Variants in LOC128462377 observed in about 807,000 individuals in gnomAD.
At chr16:89,334,603 C>T in the LOC128462377 span, among the ~76,000 whole-genome samples, 3 of 152,082 alleles carry the variant, frequency 2.0e-5, no homozygotes, top group African/African-American at 4.8e-5. Flanking sequence ...GTAGGCCAGA[C>T]CCTGACCCAG....
chr16:89,340,043 C>T, the LOC128462377 span: 3 of 152,206 alleles, frequency 2.0e-5, no homozygotes, highest in Non-Finnish European at 2.9e-5. Context: ...TCTGAAAAAT[C>T]CATTCTCCTG....
At chr16:89,319,790 G>A in the LOC128462377 span, among the ~76,000 whole-genome samples, 56 of 152,364 alleles carry the variant, frequency 3.7e-4, no homozygotes, top group African/African-American at 1.1e-3. Context: ...CGTGCAGCAC[G>A]CGGCCCACTC....
At chr16:89,327,630 A>T in the LOC128462377 span, among the ~76,000 whole-genome samples, 1 of 152,244 alleles carries the variant, frequency 6.6e-6, no homozygotes, top group East Asian at 1.9e-4. Flanking sequence ...TGCTACCAAT[A>T]ATCCTATGAA....
At chr16:89,377,526 T>C in the LOC128462377 span, among the ~76,000 whole-genome samples, 1 of 151,950 alleles carries the variant, frequency 6.6e-6, no homozygotes, top group Non-Finnish European at 1.5e-5. Flanking sequence ...ATTTCAAAAC[T>C]CAAGAGCTAA....
the LOC128462377 span, chr16:89,418,209 C>G: frequency 2.3e-6 from 1 of 443,716 alleles, no homozygotes; most frequent in Non-Finnish European, 4.6e-6. Flanking sequence ...TGGACACTCA[C>G]GCATTATTTT....
the LOC128462377 span, among the ~76,000 whole-genome samples, chr16:89,402,061 C>T: frequency 6.6e-6 from 1 of 151,990 alleles, no homozygotes; most frequent in Non-Finnish European, 1.5e-5. Flanking sequence ...ATCACGGCAG[C>T]CCCGAAAGAC....
the LOC128462377 span, among the ~76,000 whole-genome samples, chr16:89,331,854 A>G: frequency 1.3e-5 from 2 of 152,310 alleles, no homozygotes; most frequent in East Asian, 3.9e-4. Context: ...GGCGGATGCA[A>G]TGGTGTGGAC....
At chr16:89,393,150 C>A in the LOC128462377 span, among the ~76,000 whole-genome samples, 1 of 152,114 alleles carries the variant, frequency 6.6e-6, no homozygotes, top group Non-Finnish European at 1.5e-5. Context: ...GGAAGTCTCC[C>A]TCAGGACCTG....
At chr16:89,413,062 T>C in the LOC128462377 span, among the ~76,000 whole-genome samples, 4 of 152,178 alleles carry the variant, frequency 2.6e-5, no homozygotes, top group East Asian at 5.8e-4. Flanking sequence ...AACCAGAGCC[T>C]GGAGGGGGAG....
chr16:89,368,375 T>TG, the LOC128462377 span, among the ~76,000 whole-genome samples: 1 of 46,950 alleles, frequency 2.1e-5, no homozygotes, highest in African/African-American at 7.7e-5. Context: ...TTTTGTGTTT[T>TG]TTTTTTTTTT....
chr16:89,345,893 G>C, the LOC128462377 span, among the ~76,000 whole-genome samples: 1 of 152,148 alleles, frequency 6.6e-6, no homozygotes, highest in African/African-American at 2.4e-5. Flanking sequence ...CCTTTCACAA[G>C]AGAGCTAAGA....
the LOC128462377 span, among the ~76,000 whole-genome samples, chr16:89,356,088 T>C: frequency 1.3e-5 from 2 of 152,104 alleles, no homozygotes; most frequent in African/African-American, 4.8e-5. Context: ...TCAAAACAAA[T>C]ACAAGAAAGA....
chr16:89,401,669 C>A, the LOC128462377 span, among the ~76,000 whole-genome samples: 2 of 152,164 alleles, frequency 1.3e-5, no homozygotes, highest in African/African-American at 4.8e-5. Flanking sequence ...AGACGATGGC[C>A]TTCCTGGGAA....
At chr16:89,336,831 G>C in the LOC128462377 span, among the ~76,000 whole-genome samples, 50 of 152,134 alleles carry the variant, frequency 3.3e-4, no homozygotes, top group South Asian at 9.0e-3. Flanking sequence ...CTTTCCATTA[G>C]AAAACAACTG....
the LOC128462377 span, among the ~76,000 whole-genome samples, chr16:89,347,132 G>A: frequency 6.6e-6 from 1 of 152,182 alleles, no homozygotes; most frequent in Non-Finnish European, 1.5e-5. Context: ...GTTGGTCCGG[G>A]CATCAGAGGA....
the LOC128462377 span, among the ~76,000 whole-genome samples, chr16:89,387,700 A>T: frequency 3.5e-5 from 5 of 141,104 alleles, no homozygotes; most frequent in South Asian, 2.3e-4. Flanking sequence ...AAGAAAAAAA[A>T]AAAAAAAAAA....
chr16:89,336,953 T>G, the LOC128462377 span, among the ~76,000 whole-genome samples: 1 of 142,140 alleles, frequency 7.0e-6, no homozygotes, highest in Non-Finnish European at 1.5e-5. Context: ...GTGGATTGCT[T>G]GAGCTCAGGA....
chr16:89,343,420 C>G, the LOC128462377 span, among the ~76,000 whole-genome samples: 1 of 152,330 alleles, frequency 6.6e-6, no homozygotes, highest in East Asian at 1.9e-4. Flanking sequence ...TAAAAATCAG[C>G]TCAGATTTGT....
At chr16:89,386,527 T>C in the LOC128462377 span, among the ~76,000 whole-genome samples, 1 of 152,196 alleles carries the variant, frequency 6.6e-6, no homozygotes, top group African/African-American at 2.4e-5. Flanking sequence ...AAGGGGGCTC[T>C]TCTCTGGAAG....
Sources: gnomAD v4.1 joint callset for allele counts (sites outside exome capture counted in the v4.1 genomes callset) on GRCh38, gnomAD v4.1.1 for gene constraint, MANE v1.5 for transcripts.